SPON1: variants seen among roughly 807,000 people sequenced by gnomAD.
SPON1 encodes spondin-1.
A neutral mutation model predicts 111.7 loss-of-function variants in SPON1; 52 were observed. That is an observed-to-expected ratio of 0.47 (90% CI 0.37 to 0.59). The LOEUF (loss-of-function observed/expected upper bound fraction) is 0.59. Ranked by LOEUF, SPON1 falls within the 20% of genes least tolerant of loss-of-function variation. The probability of loss-of-function intolerance (pLI) is 0.00; values close to 1 mark genes in which losing one functional copy is unlikely to be tolerated. For synonymous variants in SPON1, 410 were observed against 395.8 expected (o/e 1.04, Z -0.43); for missense variants, 957 against 1,068.5 (o/e 0.90, Z 1.46).
intron 6 of SPON1, among the ~76,000 whole-genome samples, chr11:14,141,693 G>A (rs990978959): frequency 6.6e-6 from 1 of 152,138 alleles, no homozygotes; most frequent in East Asian, 1.9e-4. Flanking sequence ...TGGAAGAAAA[G>A]GTTTGAGAAT....
chr11:14,189,615 A>G (rs1289635021), intron 6 of SPON1, among the ~76,000 whole-genome samples: 1 of 151,862 alleles, frequency 6.6e-6, no homozygotes, highest in Non-Finnish European at 1.5e-5. Context: ...CCCACTTCCA[A>G]CTTCTTTCCC....
intron 6 of SPON1, among the ~76,000 whole-genome samples, chr11:14,164,795 G>A (rs1591396090): frequency 6.6e-6 from 1 of 152,158 alleles, no homozygotes; most frequent in African/African-American, 2.4e-5. Flanking sequence ...GTGGGGGGAA[G>A]CTAGTGAGCC....
chr11:14,136,269 T>C (rs1591385406), intron 6 of SPON1, among the ~76,000 whole-genome samples: 3 of 152,158 alleles, frequency 2.0e-5, no homozygotes, highest in Admixed American at 1.3e-4. Context: ...GACATGGCAG[T>C]GCAGCTTTAG....
intron 6 of SPON1, among the ~76,000 whole-genome samples, chr11:14,175,555 G>A (rs1489702038): frequency 3.3e-5 from 5 of 152,128 alleles, no homozygotes; most frequent in African/African-American, 1.2e-4. Context: ...AAGTACACCA[G>A]ATTTGCTACA....
intron 1 of SPON1, among the ~76,000 whole-genome samples, chr11:13,973,956 A>G (rs1371188096): frequency 3.3e-5 from 5 of 152,202 alleles, no homozygotes; most frequent in African/African-American, 9.7e-5. Context: ...GGATGCTGAG[A>G]GCACTGGCTG....
intron 5 of SPON1, among the ~76,000 whole-genome samples, chr11:14,123,819 G>A (rs569465975): frequency 1.3e-5 from 2 of 152,328 alleles, no homozygotes; most frequent in South Asian, 2.1e-4. Context: ...AAACAAGAAA[G>A]TGTCTGTGGC....
chr11:14,004,468 C>A lies in SPON1; in HGVS notation c.345+21515C>A, dbSNP rs78683326. Among the ~76,000 whole-genome samples, 1,354 of 152,260 alleles carry A rather than the reference C, an allele frequency of 8.9e-3. 11 individuals are homozygous for A. The highest frequency in any genetic ancestry group is 0.012 in the Non-Finnish European group (831 of 68,016). ...TTCCATCAACAGCATACAGGGTTAC[C>A]TTTTCTCCAGACCCTTACCAACATT... On this transcript the variant is annotated intron_variant, in intron 2 of 15. Transcript: ENST00000576479.
chr11:14,167,488 G>A (rs1185869159), intron 6 of SPON1, among the ~76,000 whole-genome samples: 4 of 131,864 alleles, frequency 3.0e-5, no homozygotes, highest in African/African-American at 1.2e-4. Context: ...TTTTTTCCCT[G>A]CCATTTACCC....
chr11:14,073,336 C>T (rs186086829), intron 3 of SPON1, among the ~76,000 whole-genome samples: 1 of 152,176 alleles, frequency 6.6e-6, no homozygotes, highest in East Asian at 1.9e-4. Context: ...TGACCTGATA[C>T]ATGAGGTCAG....
Position 14,007,780 on chromosome 11 carries a change from C to T in SPON1, c.345+24827C>T, listed in dbSNP as rs116645650. Among the ~76,000 whole-genome samples, 803 of 152,262 alleles carry T rather than the reference C, an allele frequency of 5.3e-3. 9 individuals carry two copies. The highest frequency in any genetic ancestry group is 0.018 in the African/African-American group (740 of 41,552). On this transcript the variant is annotated intron_variant, in intron 2 of 15. Transcript: ENST00000576479. ...ACAGACTGGGGGCTGGGGACTCCTG[C>T]TCTAGGGACGATTTGTTCCTTGCCT...
chr11:14,153,127 A>G (rs142854232), intron 6 of SPON1, among the ~76,000 whole-genome samples: 48 of 152,298 alleles, frequency 3.2e-4, no homozygotes, highest in African/African-American at 9.6e-4. Context: ...TTCTTCTTCT[A>G]TCTTCAATCT....
At chr11:14,193,062 G>C (rs1400218988) in intron 6 of SPON1, among the ~76,000 whole-genome samples, 1 of 152,120 alleles carries the variant, frequency 6.6e-6, no homozygotes, top group East Asian at 1.9e-4. Flanking sequence ...GTCTAAACTC[G>C]TGCACCAGCA....
intron 6 of SPON1, among the ~76,000 whole-genome samples, chr11:14,230,275 A>G (rs1325810079): frequency 6.6e-6 from 1 of 152,156 alleles, no homozygotes; most frequent in Non-Finnish European, 1.5e-5. Flanking sequence ...ATAATTTGAA[A>G]GCTTTTTATG....
intron 6 of SPON1, among the ~76,000 whole-genome samples, chr11:14,170,415 T>C (rs1224424687): frequency 1.3e-5 from 2 of 152,224 alleles, no homozygotes; most frequent in Admixed American, 6.5e-5. Context: ...TGGGGTTTTC[T>C]AGATATATAA....
intron 5 of SPON1, among the ~76,000 whole-genome samples, chr11:14,115,126 A>G (rs1849257388): frequency 6.6e-6 from 1 of 152,110 alleles, no homozygotes; most frequent in Admixed American, 6.5e-5. Context: ...TTTCCCTGAT[A>G]CCACCCCCAT....
At chr11:14,208,058 A>T (rs1360834917) in intron 6 of SPON1, among the ~76,000 whole-genome samples, 3 of 152,208 alleles carry the variant, frequency 2.0e-5, no homozygotes, top group Non-Finnish European at 4.4e-5. Context: ...TTGCAGGGAC[A>T]TGGATGGAGC....
At chr11:14,136,834 G>A (rs1405768447) in intron 6 of SPON1, among the ~76,000 whole-genome samples, 2 of 152,172 alleles carry the variant, frequency 1.3e-5, no homozygotes, top group African/African-American at 4.8e-5. Flanking sequence ...GACTCTGGCT[G>A]CCATGCCTCA....
intron 5 of SPON1, among the ~76,000 whole-genome samples, chr11:14,091,643 C>A (rs1849058963): frequency 6.6e-6 from 1 of 152,314 alleles, no homozygotes; most frequent in Admixed American, 6.5e-5. Context: ...GCCAAGCCCA[C>A]GCCCACCCAG....
intron 5 of SPON1, among the ~76,000 whole-genome samples, chr11:14,124,715 A>G (rs1554926862): frequency 6.6e-6 from 1 of 152,260 alleles, no homozygotes; most frequent in African/African-American, 2.4e-5. Context: ...ACAATAGATA[A>G]TACATAAAAT....
Sources: allele counts gnomAD v4.1 joint callset (sites outside exome capture counted in the v4.1 genomes callset), GRCh38; gene constraint gnomAD v4.1.1; transcripts MANE v1.5; gene names NCBI Gene and HGNC (gene_info 2026-07-23, HGNC 2026-07-21).